Variants in VAC14 observed in about 807,000 individuals in gnomAD.
The protein encoded by VAC14 is VAC14 component of PIKFYVE complex.
VAC14 carries 47 observed loss-of-function variants against 85.3 expected under a neutral mutation model. The observed-to-expected ratio is 0.55, with a 90% CI of 0.44 to 0.70. The LOEUF is 0.70. Among genes scored for constraint, VAC14 ranks in the 30% least tolerant of loss-of-function variants. The pLI is 0.00. For missense variants in VAC14, 861 were observed against 1,004.3 expected, an observed-to-expected ratio of 0.86 and a Z score of 1.93; for synonymous variants, 447 against 430.5, an observed-to-expected ratio of 1.04 and a Z score of -0.47.
chr16:70,784,985 G>A, intron 3 of VAC14, 147 bp from the exon 4 acceptor site: 10 of 746,230 alleles, frequency 1.3e-5, no homozygotes, highest in Admixed American at 2.1e-5. Flanking sequence ...GAACACATTT[G>A]AGAAAGGCTG....
chr16:70,699,168 A>C (rs200469328), intron 14 of VAC14: 2 of 226,752 alleles, frequency 8.8e-6, no homozygotes, highest in Non-Finnish European at 1.8e-5. Flanking sequence ...AATGGCCCCC[A>C]CCCCAGGCCA....
chr16:70,721,026 G>A (rs879423566), intron 14 of VAC14, among the ~76,000 whole-genome samples: 6 of 152,342 alleles, frequency 3.9e-5, no homozygotes, highest in Middle Eastern at 3.4e-3. Flanking sequence ...GAGCCACTGC[G>A]ATAAGCCAGG....
intron 13 of VAC14, among the ~76,000 whole-genome samples, chr16:70,737,198 A>G (rs8059656): frequency 0.047 from 7,102 of 152,248 alleles, 554 homozygotes; most frequent in African/African-American, 0.16. Flanking sequence ...GCTCTGGCTC[A>G]TCTGCTCTTG....
intron 12 of VAC14, chr16:70,747,113 G>T (rs1340152632): frequency 2.6e-5 from 4 of 152,162 alleles, no homozygotes; most frequent in Admixed American, 1.3e-4. Context: ...AGGAGAAATG[G>T]AACGTGGCAC....
chr16:70,764,758 C>T (rs530747481), intron 10 of VAC14, among the ~76,000 whole-genome samples: 32 of 152,308 alleles, frequency 2.1e-4, no homozygotes, highest in African/African-American at 7.2e-4. Context: ...TTCACCGTTA[C>T]GGTGCACCTC....
intron 17 of VAC14, 116 bp downstream of exon 17, chr16:70,695,428 G>A: frequency 3.0e-6 from 3 of 1,012,724 alleles, no homozygotes; most frequent in South Asian, 1.4e-5. Flanking sequence ...TCCCTGGGGT[G>A]ACTGCTCTTC....
chr16:70,692,304 A>G (rs1597845014), intron 18 of VAC14, among the ~76,000 whole-genome samples: 1 of 150,658 alleles, frequency 6.6e-6, no homozygotes, highest in Non-Finnish European at 1.5e-5. Context: ...CTCCCACCCC[A>G]CCCCGGAAGT....
In VAC14 at chr16:70,791,666, T is replaced by C. The variant is rs901820595; in HGVS notation, c.105-5301A>G. Among the ~76,000 whole-genome samples, 71 of 152,222 alleles carry C rather than the reference T, an allele frequency of 4.7e-4. 1 individual carries two copies. Among genetic ancestry groups the C allele is most frequent in the Admixed American group, 4.6e-3 (70 of 15,292 alleles). On this transcript the variant is annotated intron_variant, in intron 1 of 18. Transcript: ENST00000261776. ...CTCGTAAGTGCTGGGATTATAGGCA[T>C]GAGCCACCATGCCTGGACCCTCCAC...
At position 70,801,018 on chromosome 16, in the gene VAC14, C is replaced by A. The variant is rs538513267; in HGVS notation, c.-118G>T. 174 of 598,520 alleles carry A rather than the reference C, an allele frequency of 2.9e-4. No individual in the cohort carries two copies. In the African/African-American group the frequency reaches 3.2e-3, roughly 11 times the overall value. The allele number at this position is 598,520 out of a possible 1,614,324, so 37.1% of individuals were successfully genotyped here. On this transcript the variant is annotated 5_prime_UTR_variant, in exon 1 of 19. Coordinates refer to ENST00000261776, the MANE Select transcript of VAC14 (RefSeq NM_018052.5). ...GCGCCGGCGCATGGACCACGCCGCT[C>A]TAGGCTTGCCTGCCACGCTCCGCCG...
In VAC14 at chr16:70,744,594, G is replaced by C. The variant is rs750238198; in HGVS notation, c.1372-15C>G. 1 of 1,573,506 alleles carries C rather than the reference G, an allele frequency of 6.4e-7. No individual in the cohort carries two copies. The highest frequency in any genetic ancestry group is 1.8e-5 in the Admixed American group (1 of 55,416). ...TTCAGGATCACCTGGGGAGAGAAGCGGGGCAGGAGGGATGAGCTCTCCGCT... is the reference window on the plus strand; with the variant it reads ...TTCAGGATCACCTGGGGAGAGAAGCCGGGCAGGAGGGATGAGCTCTCCGCT... On this transcript the variant is annotated splice_polypyrimidine_tract_variant and intron_variant, in intron 12 of 18. Transcript: ENST00000261776.
chr16:70,724,645 G>T (rs113135491), intron 14 of VAC14, among the ~76,000 whole-genome samples: 1 of 152,178 alleles, frequency 6.6e-6, no homozygotes, highest in Non-Finnish European at 1.5e-5. Flanking sequence ...AGCGGCTCCT[G>T]CTGCACACAC....
At chr16:70,742,981 T>TA (rs963148329) in intron 13 of VAC14, among the ~76,000 whole-genome samples, 1 of 151,740 alleles carries the variant, frequency 6.6e-6, no homozygotes, top group Non-Finnish European at 1.5e-5. Context: ...CAGCACTCTG[T>TA]AAAAACACTA....
chr16:70,772,417 T>A, intron 9 of VAC14: 1 of 486,518 alleles, frequency 2.1e-6, no homozygotes, highest in Non-Finnish European at 3.7e-6. Flanking sequence ...GCTAAACACA[T>A]CTGTCAAATC....
intron 10 of VAC14, among the ~76,000 whole-genome samples, chr16:70,763,424 T>C (rs1167796153): frequency 1.3e-5 from 2 of 152,198 alleles, no homozygotes; most frequent in Non-Finnish European, 2.9e-5. Context: ...CTGACCAGGC[T>C]CAAGGCATTA....
chr16:70,740,600 T>G (rs2030177602), intron 13 of VAC14, among the ~76,000 whole-genome samples: 1 of 152,026 alleles, frequency 6.6e-6, no homozygotes, highest in East Asian at 1.9e-4. Flanking sequence ...CAGCAGGACC[T>G]CCGCAGACTC....
chr16:70,785,899 C>G (rs746124702), intron 2 of VAC14, 30 bp from the exon 3 acceptor site: 1 of 1,587,746 alleles, frequency 6.3e-7, no homozygotes, highest in Admixed American at 1.7e-5. Flanking sequence ...GAAGACAGAT[C>G]AGAATGGGTT....
chr16:70,778,916 C>T (rs181692454), intron 9 of VAC14: 8 of 152,326 alleles, frequency 5.3e-5, no homozygotes, highest in Admixed American at 3.9e-4. Flanking sequence ...ATCCCCGAGT[C>T]TTCTAGTTTC....
At chr16:70,796,056 T>G (rs1399750140) in intron 1 of VAC14, among the ~76,000 whole-genome samples, 1 of 152,140 alleles carries the variant, frequency 6.6e-6, no homozygotes, top group African/African-American at 2.4e-5. Context: ...ATATTAAAAT[T>G]GAAAACCCAC....
intron 14 of VAC14, chr16:70,699,885 CT>C (rs977854215): frequency 6.6e-6 from 1 of 152,262 alleles, no homozygotes; most frequent in African/African-American, 2.4e-5. Flanking sequence ...CGTGGCACCC[CT>C]GCCCACACCA....
Sources: allele counts gnomAD v4.1 joint callset (sites outside exome capture counted in the v4.1 genomes callset), GRCh38; gene constraint gnomAD v4.1.1; transcripts MANE v1.5; gene names NCBI Gene and HGNC (gene_info 2026-07-23, HGNC 2026-07-21).